Variants in PCDHGB1 observed in about 807,000 individuals in gnomAD.
The protein encoded by PCDHGB1 is protocadherin gamma-B1.
A neutral mutation model predicts 56.6 loss-of-function variants in PCDHGB1; 34 were observed. The ratio of observed to expected loss-of-function variants is 0.60; its 90% CI spans 0.46 to 0.80. The LOEUF is 0.80. Among genes scored for constraint, PCDHGB1 ranks in the 30% least tolerant of loss-of-function variants. The pLI is 0.00. For synonymous variants in PCDHGB1, 561 were observed against 505.9 expected (o/e 1.11, Z -1.46); for missense variants, 1,278 against 1,204.6 (o/e 1.06, Z -0.90).
intron 1 of PCDHGB1, among the ~76,000 whole-genome samples, chr5:141,461,985 G>C (rs894777268): frequency 2.6e-5 from 4 of 152,170 alleles, no homozygotes; most frequent in Non-Finnish European, 5.9e-5. Flanking sequence ...CACCACGCCA[G>C]GCTAATTTTG....
intron 1 of PCDHGB1, chr5:141,360,571 A>T: frequency 1.2e-6 from 2 of 1,613,992 alleles, no homozygotes; most frequent in Non-Finnish European, 1.7e-6. Flanking sequence ...TGGCGAATCC[A>T]CTAAGCCAGG....
intron 1 of PCDHGB1, chr5:141,393,496 T>C (rs960048710): frequency 1.9e-6 from 3 of 1,613,940 alleles, no homozygotes; most frequent in Non-Finnish European, 8.5e-7. Flanking sequence ...ACAGTGCGCA[T>C]CCACGTGACA....
intron 1 of PCDHGB1, chr5:141,427,818 G>T: frequency 6.5e-7 from 1 of 1,530,644 alleles, no homozygotes; most frequent in Non-Finnish European, 9.0e-7. Flanking sequence ...GAGCGGGGTG[G>T]TGGTCGCGCA....
chr5:141,457,949 C>G (rs2098933653), intron 1 of PCDHGB1, among the ~76,000 whole-genome samples: 1 of 152,192 alleles, frequency 6.6e-6, no homozygotes. Flanking sequence ...CTCTGCATGT[C>G]AAGCTTGATT....
chr5:141,478,095 C>T, intron 1 of PCDHGB1: 5 of 1,614,100 alleles, frequency 3.1e-6, no homozygotes, highest in Non-Finnish European at 4.2e-6. Context: ...TCCACCACTG[C>T]TACCCTCACT....
chr5:141,434,621 G>A (rs980508411), intron 1 of PCDHGB1, among the ~76,000 whole-genome samples: 1 of 151,966 alleles, frequency 6.6e-6, no homozygotes, highest in Non-Finnish European at 1.5e-5. Flanking sequence ...CCATCTCTTC[G>A]TTTCCCATAA....
At chr5:141,391,258 T>C (rs1419386522) in intron 1 of PCDHGB1, 3 of 152,182 alleles carry the variant, frequency 2.0e-5, no homozygotes, top group African/African-American at 7.2e-5. Context: ...ACTGCTTCAG[T>C]TAATGGCCAC....
chr5:141,364,209 C>G, intron 1 of PCDHGB1: 1 of 1,214,680 alleles, frequency 8.2e-7, no homozygotes, highest in East Asian at 2.6e-5. Flanking sequence ...CAGACAAGCT[C>G]CTACGAAAAG....
chr5:141,421,680 G>A (rs2096591907), intron 1 of PCDHGB1: 5 of 1,613,758 alleles, frequency 3.1e-6, no homozygotes, highest in Non-Finnish European at 4.2e-6. Context: ...TTCCTGGGGC[G>A]CGATTTGCTC....
At chr5:141,497,719 T>C (rs1311566820) in intron 2 of PCDHGB1, among the ~76,000 whole-genome samples, 2 of 152,076 alleles carry the variant, frequency 1.3e-5, no homozygotes, top group Non-Finnish European at 2.9e-5. Context: ...TTTGTATTTT[T>C]AGTAGAGATG....
intron 1 of PCDHGB1, chr5:141,398,904 C>T: frequency 6.2e-7 from 1 of 1,613,930 alleles, no homozygotes; most frequent in Non-Finnish European, 8.5e-7. Context: ...CACCAGGCAC[C>T]ACTGTGTTGC....
intron 1 of PCDHGB1, among the ~76,000 whole-genome samples, chr5:141,420,793 T>C (rs1400287885): frequency 6.6e-6 from 1 of 152,268 alleles, no homozygotes; most frequent in Non-Finnish European, 1.5e-5. Flanking sequence ...TGAAAACTTT[T>C]TAAAAATTAA....
At chr5:141,382,896 G>T (rs754850386) in intron 1 of PCDHGB1, 1 of 1,537,674 alleles carries the variant, frequency 6.5e-7, no homozygotes, top group Admixed American at 2.1e-5. Context: ...GAAGCAGGAC[G>T]ACTATGGCGG....
chr5:141,363,134 T>G (rs969653760), intron 1 of PCDHGB1, among the ~76,000 whole-genome samples: 4 of 152,230 alleles, frequency 2.6e-5, no homozygotes, highest in Admixed American at 1.3e-4. Flanking sequence ...CTAGAAAGAG[T>G]GCATTTAACA....
chr5:141,438,955 C>T (rs965336489), intron 1 of PCDHGB1, among the ~76,000 whole-genome samples: 3 of 151,926 alleles, frequency 2.0e-5, no homozygotes, highest in Non-Finnish European at 4.4e-5. Flanking sequence ...CATGAGCCAC[C>T]GCACCCTGCC....
intron 1 of PCDHGB1, among the ~76,000 whole-genome samples, chr5:141,453,176 C>A (rs1225418058): frequency 6.6e-6 from 1 of 152,042 alleles, no homozygotes; most frequent in African/African-American, 2.4e-5. Flanking sequence ...TCCAGTGGTA[C>A]AATCACAGCT....
intron 1 of PCDHGB1, among the ~76,000 whole-genome samples, chr5:141,358,517 T>C (rs1342877087): frequency 6.6e-6 from 1 of 152,238 alleles, no homozygotes; most frequent in African/African-American, 2.4e-5. Flanking sequence ...CTCAATGAAC[T>C]GGTATATTTC....
At chr5:141,362,219 C>T (rs368538544) in intron 1 of PCDHGB1, 249 of 1,613,916 alleles carry the variant, frequency 1.5e-4, no homozygotes, top group Non-Finnish European at 1.9e-4. Flanking sequence ...CTGGTTGTGG[C>T]CTTGGCCTTG....
At chr5:141,505,583 T>C (rs2099846941) in intron 3 of PCDHGB1, 102 bp downstream of exon 3, 3 of 1,583,532 alleles carry the variant, frequency 1.9e-6, no homozygotes, top group Non-Finnish European at 2.6e-6. Flanking sequence ...ACCTGTGTAG[T>C]TTCTCCAGAT....
Sources: gnomAD v4.1 joint callset for allele counts (sites outside exome capture counted in the v4.1 genomes callset) on GRCh38, gnomAD v4.1.1 for gene constraint, MANE v1.5 for transcripts, NCBI Gene and HGNC (gene_info 2026-07-23, HGNC 2026-07-21) for gene names.